The following COL17A1 variants were observed in gnomAD, a reference collection of about 807,000 sequenced individuals.
COL17A1 encodes the protein collagen type XVII alpha 1 chain.
A neutral mutation model predicts 218.4 loss-of-function variants in COL17A1; 181 were observed. That is an observed-to-expected ratio of 0.83 (90% CI 0.73 to 0.94). The LOEUF (loss-of-function observed/expected upper bound fraction) is 0.94, where lower values mean the gene tolerates loss of function less well. COL17A1 is among the 40% of genes least tolerant of loss of function. COL17A1 has a pLI of 0.00. For missense variants in COL17A1, 1,924 were observed against 1,945.9 expected, an observed-to-expected ratio of 0.99 and a Z score of 0.21; for synonymous variants, 721 against 731.0, an observed-to-expected ratio of 0.99 and a Z score of 0.22.
At position 104,073,208 on chromosome 10, in the gene COL17A1, A is replaced by C. The variant is rs147734242; in HGVS notation, c.415+2T>G. ...TGGACTGAACCCAGTGACAGCACTC[A>C]CCTCGTGTTTGACTCCGTCCTCTGG... On this transcript the variant is annotated splice_donor_variant, in intron 7 of 55. Transcript: ENST00000648076. LOFTEE classifies it high-confidence loss of function. 8.4e-5 allele frequency: 136 copies of C among 1,613,682 alleles called. No individual in the cohort carries two copies. Among genetic ancestry groups the C allele is most frequent in the Middle Eastern group, 1.6e-4 (1 of 6,084 alleles).
rs115710890 is a variant in COL17A1, at chr10:104,081,191, T to A, written c.-11-507A>T. 5.2e-3 allele frequency among the ~76,000 whole-genome samples: 787 copies of A among 152,286 alleles called. 3 individuals carry two copies. The highest frequency in any genetic ancestry group is 0.018 in the African/African-American group (737 of 41,540). On this transcript the variant is annotated intron_variant, in intron 1 of 55. Coordinates refer to ENST00000648076, the MANE Select transcript of COL17A1 (RefSeq NM_000494.4). ...AAGAATGGCACTTGATGGATTTAAATCAGGATAAAAATAATTATATTTGTC... is the reference window on the plus strand; with the variant it reads ...AAGAATGGCACTTGATGGATTTAAAACAGGATAAAAATAATTATATTTGTC...
chr10:104,079,232 T>C lies in COL17A1; in HGVS notation c.53-646A>G, dbSNP rs570375888. Among the ~76,000 whole-genome samples, 62 of 152,246 alleles carry C rather than the reference T, an allele frequency of 4.1e-4. 1 individual carries two copies. The highest frequency in any genetic ancestry group is 7.2e-4 in the Non-Finnish European group (49 of 68,022). The stretch of plus-strand genomic sequence containing the variant: ...ATTTAGTTCCTGTAGGTCTGAGAGA[T>C]GGTGAATCCATCACTCATGCTCTGA... On this transcript the variant is annotated intron_variant, in intron 2 of 55. Coordinates refer to ENST00000648076, the MANE Select transcript of COL17A1 (RefSeq NM_000494.4).
At position 104,064,547 on chromosome 10, in the gene COL17A1, A is replaced by G. The variant is rs554099365; in HGVS notation, c.657T>C (p.His219=). 3 of 1,614,094 alleles carry G rather than the reference A, an allele frequency of 1.9e-6. No individual in the cohort carries two copies. Among genetic ancestry groups the G allele is most frequent in the Admixed American group, 3.3e-5 (2 of 60,020 alleles). The change falls in exon 10 of 56, where the codon CAT becomes CAC. Residue 219 remains histidine, a synonymous_variant. Coordinates refer to ENST00000648076, the MANE Select transcript of COL17A1 (RefSeq NM_000494.4). ...ATILDANLPS[H]VWSSTLPAGS... ...CCGCGGGCAGGGTGGAGGACCACAC[A>G]TGGGAGGGAAGGTTGGCATCCAGGA...
intron 15 of COL17A1, among the ~76,000 whole-genome samples, chr10:104,058,902 C>G (rs2134624942): frequency 6.6e-6 from 1 of 150,632 alleles, no homozygotes; most frequent in Middle Eastern, 3.4e-3. Flanking sequence ...CCACTGCACT[C>G]CAGCCTGGGC....
intron 32 of COL17A1, 61 bp downstream of exon 32, chr10:104,046,686 C>T (rs2086413640): frequency 1.3e-6 from 2 of 1,557,896 alleles, no homozygotes; most frequent in East Asian, 2.2e-5. Context: ...AAAGCCCTGG[C>T]CCAAGCAGTT....
chr10:104,052,987 G>T (rs2086485048), intron 23 of COL17A1, 44 bp downstream of exon 23: 1 of 1,596,618 alleles, frequency 6.3e-7, no homozygotes, highest in Non-Finnish European at 8.6e-7. Flanking sequence ...AGAGAAGGAA[G>T]CACAGGCATA....
rs2086246045 is a variant in COL17A1, at chr10:104,034,109, G to C, written c.3992C>G (p.Ala1331Gly). 2 of 1,614,074 alleles carry C rather than the reference G, an allele frequency of 1.2e-6. No homozygotes were observed. The highest frequency in any genetic ancestry group is 1.7e-6 in the Non-Finnish European group (2 of 1,180,022). The change falls in exon 52 of 56, where the codon GCA (alanine) becomes GGA (glycine). Residue 1331 changes from alanine to glycine, a missense_variant. Physicochemically the swap from Ala to Gly is moderately conservative, Grantham distance 60. Transcript: ENST00000648076. ...AGTGCCATAGGGACCCCTGTCTCCT[G>C]CAGCTTCACCAAAGGCACCGCCTGC... ...LGAGGAFGEA[A>G]GDRGPYGTDI...
At chr10:104,063,551 C>T in intron 11 of COL17A1, 196 bp downstream of exon 11, 4 of 804,850 alleles carry the variant, frequency 5.0e-6, no homozygotes, top group South Asian at 1.5e-5. Context: ...AATGTGGGCT[C>T]ACGTCCCCTC....
Position 104,070,463 on chromosome 10 carries a change from A to G in COL17A1, c.570T>C (p.Thr190=), listed in dbSNP as rs780100756. The G allele has an allele frequency of 4.3e-6, 7 of 1,614,112 alleles. No individual in the cohort carries two copies. The South Asian group carries it at 5.5e-5, about 13-fold the overall frequency. ...TCGCTGTCACAATTTTGGTCTCCAC[A>G]GTGCCTTTCTTGGGGATGGGGAGTG... is the stretch of plus-strand genomic sequence containing the variant. ...SNTLPIPKKG[T]VETKIVTASS... The change falls in exon 9 of 56, where the codon ACT becomes ACC. Residue 190 remains threonine, a synonymous_variant. Coordinates refer to ENST00000648076, the MANE Select transcript of COL17A1 (RefSeq NM_000494.4).
At chr10:104,077,945 G>A (rs1278303080) in intron 3 of COL17A1, among the ~76,000 whole-genome samples, 4 of 152,334 alleles carry the variant, frequency 2.6e-5, no homozygotes, top group East Asian at 1.9e-4. Context: ...CTGGAGGGGC[G>A]TGTGGCAGCT....
At chr10:104,067,612 G>A (rs1362940849) in intron 9 of COL17A1, among the ~76,000 whole-genome samples, 5 of 152,182 alleles carry the variant, frequency 3.3e-5, no homozygotes, top group Non-Finnish European at 5.9e-5. Context: ...TGCTCAGAGA[G>A]AGAAAGAGTT....
intron 33 of COL17A1, 31 bp downstream of exon 33, chr10:104,045,727 A>G (rs1359863556): frequency 3.8e-6 from 6 of 1,591,098 alleles, no homozygotes; most frequent in Non-Finnish European, 5.2e-6. Flanking sequence ...GCCAGTGAAA[A>G]GAAAGAAATC....
intron 9 of COL17A1, among the ~76,000 whole-genome samples, chr10:104,065,041 G>C (rs901986209): frequency 6.6e-6 from 1 of 152,194 alleles, no homozygotes; most frequent in African/African-American, 2.4e-5. Context: ...GCCATTGCAG[G>C]GTGCATGCCT....
intron 33 of COL17A1, among the ~76,000 whole-genome samples, chr10:104,044,959 T>C (rs1339087555): frequency 6.6e-6 from 1 of 152,098 alleles, no homozygotes; most frequent in East Asian, 1.9e-4. Context: ...CAATCAGTCA[T>C]TGGAAATGAT....
intron 15 of COL17A1, 39 bp downstream of exon 15, chr10:104,059,599 G>T: frequency 6.3e-7 from 1 of 1,575,800 alleles, no homozygotes; most frequent in Non-Finnish European, 8.7e-7. Context: ...ATGTGGCCTG[G>T]CTGAAGTCAA....
chr10:104,055,339 G>T, intron 19 of COL17A1, 33 bp downstream of exon 19: 1 of 1,613,826 alleles, frequency 6.2e-7, no homozygotes, highest in Non-Finnish European at 8.5e-7. Context: ...TGCAGGAAAT[G>T]AATCAGAGAC....
chr10:104,061,099 G>A (rs2086578181), intron 13 of COL17A1, among the ~76,000 whole-genome samples: 1 of 152,192 alleles, frequency 6.6e-6, no homozygotes, highest in Admixed American at 6.5e-5. Context: ...AACAGGTGAA[G>A]GCCAAAGGCT....
rs1344893393 is a variant in COL17A1 at position 104,043,507 on chromosome 10, C to T, written c.2509G>A (p.Ala837Thr). The T allele has an allele frequency of 1.9e-6, 3 of 1,613,716 alleles. No homozygotes were observed. Among genetic ancestry groups the T allele is most frequent in the Non-Finnish European group, 2.5e-6 (3 of 1,179,962 alleles). ...AGCAAGAAAATAGACTGACCTGGGG[C>T]ACCTGGAGGTCCTGGGGGTCCCATG... ...GAMGPPGPPG[A>T]PGPAGPAGLP... The change falls in exon 35 of 56, where the codon GCC (alanine) becomes ACC (threonine). Residue 837 changes from alanine (A) to threonine (T), a missense_variant. Physicochemically the swap from Ala to Thr is moderately conservative, Grantham distance 58. Transcript: ENST00000648076.
chr10:104,035,170 G>A, intron 50 of COL17A1, 93 bp downstream of exon 50: 2 of 1,075,582 alleles, frequency 1.9e-6, no homozygotes, highest in Non-Finnish European at 2.8e-6. Context: ...ACAGGCTCCA[G>A]GAGCACTTAG....
Sources: allele counts gnomAD v4.1 joint callset (sites outside exome capture counted in the v4.1 genomes callset), GRCh38; gene constraint gnomAD v4.1.1; transcripts MANE v1.5; gene names NCBI Gene and HGNC (gene_info 2026-07-23, HGNC 2026-07-21).